Variants in MYOM2 observed in about 807,000 individuals in gnomAD.
MYOM2 encodes the protein myomesin 2, also known as myomesin-2.
A neutral mutation model predicts 187.6 loss-of-function variants in MYOM2; 254 were observed. That is an observed-to-expected ratio of 1.35 (90% CI 1.22 to 1.50). MYOM2 has a LOEUF of 1.50. Ranked by LOEUF, MYOM2 falls within the 40% of genes most tolerant of loss-of-function variation. MYOM2 has a pLI of 0.00. For synonymous variants in MYOM2, 981 were observed against 753.8 expected (o/e 1.30, Z -4.94); for missense variants, 2,796 against 1,924.0 (o/e 1.45, Z -8.48).
intron 15 of MYOM2, among the ~76,000 whole-genome samples, chr8:2,091,094 C>T (rs528865288): frequency 2.9e-5 from 4 of 135,660 alleles, no homozygotes; most frequent in Admixed American, 8.7e-5. Context: ...TTTACATTCC[C>T]ACCAACAGTG....
chr8:2,060,717 G>A (rs1397120300), intron 6 of MYOM2, among the ~76,000 whole-genome samples: 2 of 150,350 alleles, frequency 1.3e-5, no homozygotes, highest in African/African-American at 2.5e-5. Context: ...CTCCCCAGAA[G>A]CCTGCTTGGA....
chr8:2,133,497 G>A (rs1474409220), intron 32 of MYOM2, among the ~76,000 whole-genome samples: 3 of 152,210 alleles, frequency 2.0e-5, no homozygotes, highest in Admixed American at 2.0e-4. Flanking sequence ...GTGTTGCTCT[G>A]TCACCCAGGC....
intron 14 of MYOM2, 119 bp from the exon 15 acceptor site, chr8:2,089,889 C>T (rs757533108): frequency 9.9e-5 from 80 of 811,136 alleles, no homozygotes; most frequent in Middle Eastern, 9.0e-4. Context: ...GTGTGCGAGA[C>T]GCAGCGGGCG....
At chr8:2,067,281 G>C (rs996083534) in intron 6 of MYOM2, among the ~76,000 whole-genome samples, 1 of 152,226 alleles carries the variant, frequency 6.6e-6, no homozygotes, top group Non-Finnish European at 1.5e-5. Context: ...CATTTGAAAA[G>C]TGAGACTTGA....
In MYOM2 at chr8:2,059,282, A is replaced by G. The variant is rs369391000; in HGVS notation, c.653+37A>G. On this transcript the variant is annotated intron_variant, in intron 6 of 36. Coordinates refer to ENST00000262113, the MANE Select transcript of MYOM2 (RefSeq NM_003970.4). Reference sequence around the variant, plus strand: ...GTGGGGGCTCTGGACGCTGGCGTCCAGTAATCAGCATTGCAGACCCCAAAG... The same window carrying G: ...GTGGGGGCTCTGGACGCTGGCGTCCGGTAATCAGCATTGCAGACCCCAAAG... 113 of 1,588,030 alleles carry G rather than the reference A, an allele frequency of 7.1e-5. No homozygotes were observed. The African/African-American group carries it at 1.4e-3, about 20-fold the overall frequency.
chr8:2,098,542 C>T (rs1796573221), intron 18 of MYOM2, among the ~76,000 whole-genome samples: 1 of 152,172 alleles, frequency 6.6e-6, no homozygotes. Context: ...GCAACCGTCG[C>T]CTCTCTGGGC....
chr8:2,128,663 C>T (rs1229072788), intron 31 of MYOM2, among the ~76,000 whole-genome samples: 1 of 152,096 alleles, frequency 6.6e-6, no homozygotes, highest in Non-Finnish European at 1.5e-5. Flanking sequence ...TTCCTCTGAC[C>T]CAAGTTTCAT....
Position 2,144,737 on chromosome 8 carries a change from T to A in MYOM2, c.4154T>A (p.Ile1385Asn). Residue 1385 changes from isoleucine (I) to asparagine (N), a missense_variant, in exon 37 of 37, where the codon ATC becomes AAC. Physicochemically the swap from Ile to Asn is moderately radical, Grantham distance 149. Transcript: ENST00000262113. ...ATTTGGTTCAAGAACGACCAGGACA[T>A]CCAGCTCAGCGAGCACTTCTCGGTG... Reference protein sequence around the residue: ...EVIWFKNDQDIQLSEHFSVKV... With the variant: ...EVIWFKNDQDNQLSEHFSVKV... 6.2e-7 allele frequency: 1 copy of A among 1,613,500 alleles called. No homozygotes were observed. Among genetic ancestry groups the A allele is most frequent in the Non-Finnish European group, 8.5e-7 (1 of 1,179,950 alleles).
intron 32 of MYOM2, among the ~76,000 whole-genome samples, chr8:2,131,452 A>T (rs990511117): frequency 1.3e-5 from 2 of 151,888 alleles, no homozygotes; most frequent in Non-Finnish European, 2.9e-5. Flanking sequence ...TGGGTCCTAG[A>T]TAGGCAGGCA....
intron 3 of MYOM2, among the ~76,000 whole-genome samples, chr8:2,055,836 G>A (rs1353204507): frequency 6.6e-6 from 1 of 152,160 alleles, no homozygotes. Context: ...GGACAGCCGT[G>A]ATGCTACGGT....
Position 2,106,519 on chromosome 8 carries a change from AAGG to A in MYOM2, c.2925_2927del (p.Glu975del), listed in dbSNP as rs757511484. ...CAAGCTGTACTTAAAGAATCCGGATAAGGAGGATTTAGGGACTTACTCCGTGTC... is the reference window on the plus strand; with the variant it reads ...CAAGCTGTACTTAAAGAATCCGGATAAGGATTTAGGGACTTACTCCGTGTC... On this transcript the variant is annotated inframe_deletion, in exon 23 of 37. Coordinates refer to ENST00000262113, the MANE Select transcript of MYOM2 (RefSeq NM_003970.4). The A allele has an allele frequency of 6.2e-7, 1 of 1,612,668 alleles. No individual in the cohort carries two copies. The highest frequency in any genetic ancestry group is 8.5e-7 in the Non-Finnish European group (1 of 1,178,714).
chr8:2,120,004 G>T (rs1406262025), intron 28 of MYOM2, among the ~76,000 whole-genome samples: 4 of 152,164 alleles, frequency 2.6e-5, no homozygotes, highest in Admixed American at 1.3e-4. Context: ...AGCCCACAGT[G>T]GGGGGAGTGG....
chr8:2,109,685 G>T (rs535130542), intron 25 of MYOM2, among the ~76,000 whole-genome samples, 154 bp downstream of exon 25: 1 of 152,318 alleles, frequency 6.6e-6, no homozygotes, highest in Admixed American at 6.5e-5. Flanking sequence ...AATGGAGATG[G>T]TTGATTCTTA....
At chr8:2,134,507 C>CAGACTTG (rs150079682) in intron 32 of MYOM2, among the ~76,000 whole-genome samples, 19,809 of 152,144 alleles carry the variant, frequency 0.13, 2,178 homozygotes, top group African/African-American at 0.28. Flanking sequence ...CTTGTCCCTC[C>CAGACTTG]GCAGACCTGT....
chr8:2,094,066 C>T lies in MYOM2; in HGVS notation c.2100C>T (p.Asp700=), dbSNP rs1052447579. The T allele has an allele frequency of 1.9e-5, 30 of 1,614,028 alleles. No homozygotes were observed. In the East Asian group the frequency reaches 2.2e-4, roughly 12 times the overall value. ...VGMSENSQES[D]VIKVQAALTV... Reference sequence around the variant, plus strand: ...TGAGTGAAAATTCCCAGGAATCAGACGTCATAAAAGTGCAGGCCGCACTCA... The same window carrying T: ...TGAGTGAAAATTCCCAGGAATCAGATGTCATAAAAGTGCAGGCCGCACTCA... Residue 700 remains aspartate (D), a synonymous_variant, in exon 17 of 37, where the codon GAC becomes GAT. Coordinates refer to ENST00000262113, the MANE Select transcript of MYOM2 (RefSeq NM_003970.4).
intron 27 of MYOM2, among the ~76,000 whole-genome samples, chr8:2,116,522 A>G (rs1378248304): frequency 2.0e-5 from 3 of 152,180 alleles, no homozygotes; most frequent in African/African-American, 7.2e-5. Context: ...AAGAATAAAG[A>G]ATGGGGGTAG....
At chr8:2,135,954 G>C (rs1308292749) in intron 32 of MYOM2, among the ~76,000 whole-genome samples, 1 of 152,072 alleles carries the variant, frequency 6.6e-6, no homozygotes, top group Non-Finnish European at 1.5e-5. Context: ...GAAGCTGGGA[G>C]TGGGAAGCTG....
chr8:2,057,635 C>A lies in MYOM2; in HGVS notation c.415C>A (p.Leu139Met), dbSNP rs761206027. ...YAIQQMMEDK[L>M]AWERHTFEER... Reference sequence around the variant, plus strand: ...CTTCTCGGGGCAGATGGAGGACAAGCTGGCCTGGGAGAGACACACATTTGA... The same window carrying A: ...CTTCTCGGGGCAGATGGAGGACAAGATGGCCTGGGAGAGACACACATTTGA... Residue 139 changes from leucine to methionine, a missense_variant, in exon 5 of 37, where the codon CTG becomes ATG. Leu to Met is a conservative substitution (Grantham distance 15). Coordinates refer to ENST00000262113, the MANE Select transcript of MYOM2 (RefSeq NM_003970.4). 3 of 1,614,048 alleles carry A rather than the reference C, an allele frequency of 1.9e-6. No individual in the cohort carries two copies. The East Asian group carries it at 6.7e-5, about 36-fold the overall frequency.
chr8:2,049,168 C>A (rs563407657), intron 1 of MYOM2, among the ~76,000 whole-genome samples: 2 of 152,262 alleles, frequency 1.3e-5, no homozygotes, highest in Admixed American at 1.3e-4. Context: ...CTCTAAAACA[C>A]GGCTGGGCCC....
Sources: allele counts gnomAD v4.1 joint callset (sites outside exome capture counted in the v4.1 genomes callset), GRCh38; gene constraint gnomAD v4.1.1; transcripts MANE v1.5; gene names NCBI Gene and HGNC (gene_info 2026-07-23, HGNC 2026-07-21).